The following GRID1 variants were observed in gnomAD, a reference collection of about 807,000 sequenced individuals.
The protein encoded by GRID1 is glutamate receptor ionotropic, delta-1.
GRID1 carries 28 observed loss-of-function variants against 98.0 expected under a neutral mutation model. That is an observed-to-expected ratio of 0.29 (90% confidence interval 0.21 to 0.39). The LOEUF (loss-of-function observed/expected upper bound fraction) is 0.39. Ranked by LOEUF, GRID1 falls within the 10% of genes least tolerant of loss-of-function variation. GRID1 has a pLI of 1.00. For missense variants in GRID1, 1,111 were observed against 1,340.5 expected (o/e 0.83, Z 2.67); for synonymous variants, 553 against 538.5 (o/e 1.03, Z -0.37).
chr10:85,675,012 A>G (rs1841128563), intron 12 of GRID1, among the ~76,000 whole-genome samples: 1 of 152,188 alleles, frequency 6.6e-6, no homozygotes, highest in South Asian at 2.1e-4. Flanking sequence ...CACTATCAAT[A>G]GCTTCACAGC....
intron 3 of GRID1, among the ~76,000 whole-genome samples, chr10:86,168,488 TC>T (rs1224102553): frequency 6.6e-6 from 1 of 152,016 alleles, no homozygotes; most frequent in East Asian, 1.9e-4. Flanking sequence ...GAAACCGGGA[TC>T]CCATGACAAT....
chr10:85,612,100 C>A (rs1482466776), intron 15 of GRID1, among the ~76,000 whole-genome samples: 1 of 152,168 alleles, frequency 6.6e-6, no homozygotes, highest in Non-Finnish European at 1.5e-5. Flanking sequence ...GAAGAGACAG[C>A]ATAAGGACAG....
chr10:85,957,551 C>A (rs1282262812), intron 4 of GRID1, among the ~76,000 whole-genome samples: 2 of 152,146 alleles, frequency 1.3e-5, no homozygotes, highest in African/African-American at 4.8e-5. Context: ...TGGAACTCCC[C>A]AAAATGAAAT....
chr10:85,957,603 G>A lies in GRID1; in HGVS notation c.727-41364C>T, dbSNP rs140773540. ...GGAGGAAAGGATGAATATTCTCCCC[G>A]GTGAAAATGCAGAAAAGAGAGTCTT... is the stretch of plus-strand genomic sequence containing the variant. On this transcript the variant is annotated intron_variant, in intron 4 of 15. Transcript: ENST00000327946. Among the ~76,000 whole-genome samples, 422 of 152,286 alleles carry A rather than the reference G, an allele frequency of 2.8e-3. 3 individuals carry two copies. Among genetic ancestry groups the A allele is most frequent in the African/African-American group, 9.6e-3 (397 of 41,560 alleles).
At chr10:86,335,974 C>T (rs796358973) in intron 2 of GRID1, among the ~76,000 whole-genome samples, 1 of 152,376 alleles carries the variant, frequency 6.6e-6, no homozygotes, top group African/African-American at 2.4e-5. Flanking sequence ...TCACCCTAGT[C>T]CAGCTGAGTA....
chr10:85,849,365 T>G (rs956942679), intron 8 of GRID1, among the ~76,000 whole-genome samples: 1 of 152,084 alleles, frequency 6.6e-6, no homozygotes, highest in African/African-American at 2.4e-5. Flanking sequence ...TTGATTCCCA[T>G]CCAAAGCCAG....
intron 2 of GRID1, among the ~76,000 whole-genome samples, chr10:86,242,624 G>T (rs1846656154): frequency 6.6e-6 from 1 of 152,180 alleles, no homozygotes; most frequent in Non-Finnish European, 1.5e-5. Flanking sequence ...CATATAGGAA[G>T]AATGGCCAAG....
At chr10:85,821,900 G>T (rs1243977237) in intron 8 of GRID1, among the ~76,000 whole-genome samples, 1 of 152,070 alleles carries the variant, frequency 6.6e-6, no homozygotes, top group Non-Finnish European at 1.5e-5. Context: ...ACAACCATCT[G>T]ATCTTTGACA....
At chr10:86,148,980 T>C (rs1401274044) in intron 3 of GRID1, among the ~76,000 whole-genome samples, 1 of 152,188 alleles carries the variant, frequency 6.6e-6, no homozygotes, top group Non-Finnish European at 1.5e-5. Context: ...GCAAGGGGCA[T>C]ACATCACAGC....
intron 4 of GRID1, among the ~76,000 whole-genome samples, chr10:86,096,594 C>T (rs538848877): frequency 6.6e-6 from 1 of 152,316 alleles, no homozygotes; most frequent in South Asian, 2.1e-4. Flanking sequence ...TCCTCTGTCA[C>T]AGTATTCCAC....
chr10:86,132,108 A>T (rs1360521530), intron 4 of GRID1, among the ~76,000 whole-genome samples: 1 of 152,090 alleles, frequency 6.6e-6, no homozygotes, highest in Non-Finnish European at 1.5e-5. Context: ...TGTCATGGAG[A>T]GGGGACAGTG....
intron 2 of GRID1, among the ~76,000 whole-genome samples, chr10:86,336,400 T>C (rs1848221773): frequency 6.6e-6 from 1 of 151,984 alleles, no homozygotes; most frequent in Non-Finnish European, 1.5e-5. Context: ...AGGCTGGGAG[T>C]GGGGGCCTCT....
At chr10:85,858,894 C>T (rs1843138806) in intron 6 of GRID1, among the ~76,000 whole-genome samples, 1 of 152,194 alleles carries the variant, frequency 6.6e-6, no homozygotes. Flanking sequence ...TATTCACAAT[C>T]AATTAAGGTA....
intron 12 of GRID1, among the ~76,000 whole-genome samples, chr10:85,694,286 C>G (rs1841364551): frequency 6.6e-6 from 1 of 151,654 alleles, no homozygotes; most frequent in South Asian, 2.1e-4. Flanking sequence ...TGTTGGGGAG[C>G]ATGTGGAGAA....
intron 2 of GRID1, among the ~76,000 whole-genome samples, chr10:86,212,663 C>A (rs559225780): frequency 1.2e-3 from 183 of 152,356 alleles, no homozygotes; most frequent in African/African-American, 4.1e-3. Context: ...CACCTGCCCC[C>A]AGCCACCCTC....
At chr10:86,101,273 G>A (rs1431217970) in intron 4 of GRID1, among the ~76,000 whole-genome samples, 1 of 152,116 alleles carries the variant, frequency 6.6e-6, no homozygotes, top group African/African-American at 2.4e-5. Context: ...ACTAGGACTT[G>A]TTTTTTAAAT....
intron 4 of GRID1, among the ~76,000 whole-genome samples, chr10:86,025,268 G>A (rs1401048682): frequency 6.6e-6 from 1 of 152,194 alleles, no homozygotes; most frequent in Non-Finnish European, 1.5e-5. Flanking sequence ...GGAGCACTAG[G>A]TAATATAATG....
chr10:85,860,004 G>A (rs1044540937), intron 6 of GRID1, among the ~76,000 whole-genome samples: 1 of 152,162 alleles, frequency 6.6e-6, no homozygotes, highest in South Asian at 2.1e-4. Flanking sequence ...CAGTGTCAGG[G>A]TTGGTCATGC....
In GRID1 at chr10:85,791,852, C is replaced by G. The variant is rs78768630; in HGVS notation, c.1234-62238G>C. Among the ~76,000 whole-genome samples the G allele has an allele frequency of 4.8e-3, 730 of 152,186 alleles. 5 individuals carry two copies. Among genetic ancestry groups the G allele is most frequent in the African/African-American group, 0.017 (698 of 41,512 alleles). On this transcript the variant is annotated intron_variant, in intron 8 of 15. Transcript: ENST00000327946. ...AGACAGAGATGAAAAGCAAATAGTTCAGCTTAGGGAAGAGACAAAGCCAGG... is the reference window on the plus strand; with the variant it reads ...AGACAGAGATGAAAAGCAAATAGTTGAGCTTAGGGAAGAGACAAAGCCAGG...
Sources: gnomAD v4.1 joint callset for allele counts (sites outside exome capture counted in the v4.1 genomes callset) on GRCh38, gnomAD v4.1.1 for gene constraint, MANE v1.5 for transcripts, NCBI Gene and HGNC (gene_info 2026-07-23, HGNC 2026-07-21) for gene names.